LHFPL3: variants seen among roughly 807,000 people sequenced by gnomAD.
LHFPL3 encodes the protein LHFPL tetraspan subfamily member 3.
A neutral mutation model predicts 19.3 loss-of-function variants in LHFPL3; 5 were observed. That is an observed-to-expected ratio of 0.26 (90% CI 0.14 to 0.54). The LOEUF is 0.54. Among genes scored for constraint, LHFPL3 ranks in the 20% least tolerant of loss-of-function variants. LHFPL3 has a pLI of 0.94. For synonymous variants in LHFPL3, 133 were observed against 126.2 expected (o/e 1.05, Z -0.36); for missense variants, 249 against 307.4 (o/e 0.81, Z 1.42).
intron 2 of LHFPL3, among the ~76,000 whole-genome samples, chr7:104,828,335 G>A (rs1232680358): frequency 6.6e-6 from 1 of 151,938 alleles, no homozygotes. Context: ...GCCAGCAGGA[G>A]GATACTACCT....
chr7:104,462,554 A>G (rs1423817432), intron 1 of LHFPL3, among the ~76,000 whole-genome samples: 1 of 152,180 alleles, frequency 6.6e-6, no homozygotes, highest in Non-Finnish European at 1.5e-5. Flanking sequence ...GATTTGCGTT[A>G]TGTTGAACCA....
At chr7:104,710,869 A>C (rs908879062) in intron 1 of LHFPL3, among the ~76,000 whole-genome samples, 1 of 152,280 alleles carries the variant, frequency 6.6e-6, no homozygotes, top group African/African-American at 2.4e-5. Flanking sequence ...TCTTTTCTTC[A>C]ACATTTGTTC....
At chr7:104,388,817 T>TGTCA (rs1253226080) in intron 1 of LHFPL3, among the ~76,000 whole-genome samples, 1 of 110,770 alleles carries the variant, frequency 9.0e-6, no homozygotes, top group African/African-American at 4.5e-5. Flanking sequence ...TGACAAAATA[T>TGTCA]AACCCCCTTT....
At chr7:104,427,901 G>C (rs527426051) in intron 1 of LHFPL3, among the ~76,000 whole-genome samples, 4 of 152,282 alleles carry the variant, frequency 2.6e-5, no homozygotes, top group Admixed American at 6.5e-5. Context: ...TGAGCATCAG[G>C]AATGAGAAAT....
chr7:104,680,790 G>A (rs567744381), intron 1 of LHFPL3, among the ~76,000 whole-genome samples: 29 of 152,234 alleles, frequency 1.9e-4, no homozygotes, highest in Admixed American at 1.6e-3. Context: ...AAACATGATG[G>A]GGGTAAAAGA....
At chr7:104,431,681 T>C (rs1250517923) in intron 1 of LHFPL3, among the ~76,000 whole-genome samples, 1 of 152,216 alleles carries the variant, frequency 6.6e-6, no homozygotes. Flanking sequence ...ATGTATAAAA[T>C]AATTTGTTGG....
At chr7:104,475,625 G>A (rs1792995010) in intron 1 of LHFPL3, among the ~76,000 whole-genome samples, 5 of 152,082 alleles carry the variant, frequency 3.3e-5, no homozygotes, top group Admixed American at 3.3e-4. Context: ...CACAGAAAGG[G>A]CTCTGTGGCC....
At chr7:104,507,842 A>G (rs1793730121) in intron 1 of LHFPL3, among the ~76,000 whole-genome samples, 1 of 117,636 alleles carries the variant, frequency 8.5e-6, no homozygotes. Flanking sequence ...TATGCAGCCA[A>G]AAAACACATG....
intron 2 of LHFPL3, among the ~76,000 whole-genome samples, chr7:104,867,581 A>G (rs1257524115): frequency 6.6e-6 from 1 of 152,216 alleles, no homozygotes; most frequent in African/African-American, 2.4e-5. Context: ...TTGAGGCAAT[A>G]ATTAATAGCT....
At chr7:104,555,553 C>T (rs754603522) in intron 1 of LHFPL3, among the ~76,000 whole-genome samples, 10 of 152,166 alleles carry the variant, frequency 6.6e-5, no homozygotes, top group South Asian at 4.1e-4. Context: ...AGGAAAGACC[C>T]GCCCCCAAAA....
intron 2 of LHFPL3, among the ~76,000 whole-genome samples, chr7:104,863,295 G>A (rs1433869927): frequency 6.6e-6 from 1 of 152,192 alleles, no homozygotes; most frequent in Admixed American, 6.5e-5. Flanking sequence ...TCCTATGAGT[G>A]TGTTGAATTT....
At chr7:104,728,940 A>C (rs567425169) in intron 1 of LHFPL3, among the ~76,000 whole-genome samples, 1 of 152,188 alleles carries the variant, frequency 6.6e-6, no homozygotes, top group Non-Finnish European at 1.5e-5. Flanking sequence ...ATAACCAAAA[A>C]ATAGTATCCT....
At chr7:104,716,431 A>C (rs1001584052) in intron 1 of LHFPL3, among the ~76,000 whole-genome samples, 36 of 151,720 alleles carry the variant, frequency 2.4e-4, no homozygotes, top group African/African-American at 8.7e-4. Flanking sequence ...AAAACCTTAA[A>C]GACTCCACCA....
At chr7:104,387,816 G>A (rs2214085) in intron 1 of LHFPL3, among the ~76,000 whole-genome samples, 13,708 of 152,110 alleles carry the variant, frequency 0.09, 672 homozygotes, top group Non-Finnish European at 0.1. Flanking sequence ...TTTTAGGTTC[G>A]GGGTACATGT....
intron 2 of LHFPL3, among the ~76,000 whole-genome samples, chr7:104,881,740 C>T (rs1792061347): frequency 6.6e-6 from 1 of 152,134 alleles, no homozygotes; most frequent in Admixed American, 6.5e-5. Flanking sequence ...CATATTGTGA[C>T]TAAAATGCTA....
chr7:104,390,668 G>A (rs896098957), intron 1 of LHFPL3, among the ~76,000 whole-genome samples: 1 of 152,204 alleles, frequency 6.6e-6, no homozygotes, highest in Non-Finnish European at 1.5e-5. Context: ...CTTTATAGCA[G>A]CATGATTTAT....
At chr7:104,513,081 T>C (rs944452370) in intron 1 of LHFPL3, among the ~76,000 whole-genome samples, 1 of 152,192 alleles carries the variant, frequency 6.6e-6, no homozygotes, top group African/African-American at 2.4e-5. Flanking sequence ...AAATAAAATA[T>C]GTATTAAAAT....
intron 1 of LHFPL3, among the ~76,000 whole-genome samples, chr7:104,332,504 T>C (rs898547756): frequency 6.6e-6 from 1 of 152,166 alleles, no homozygotes; most frequent in African/African-American, 2.4e-5. Flanking sequence ...GTGCTGGGAT[T>C]ACAGGCGTGA....
intron 2 of LHFPL3, among the ~76,000 whole-genome samples, chr7:104,783,214 T>C (rs1189964107): frequency 6.6e-6 from 1 of 152,238 alleles, no homozygotes; most frequent in African/African-American, 2.4e-5. Context: ...TTAAACAGCA[T>C]TTCCTCCAGG....
Sources: gnomAD v4.1 joint callset for allele counts (sites outside exome capture counted in the v4.1 genomes callset) on GRCh38, gnomAD v4.1.1 for gene constraint, MANE v1.5 for transcripts, NCBI Gene and HGNC (gene_info 2026-07-23, HGNC 2026-07-21) for gene names.